The following CPO variants were observed in gnomAD, a reference collection of about 807,000 sequenced individuals.
The protein encoded by CPO is metallocarboxypeptidase C.
A neutral mutation model predicts 41.2 loss-of-function variants in CPO; 43 were observed. The observed-to-expected ratio is 1.04, with a 90% CI of 0.82 to 1.35. The LOEUF (loss-of-function observed/expected upper bound fraction) is 1.35, where lower values mean the gene tolerates loss of function less well. Ranked by LOEUF, CPO falls within the 40% of genes most tolerant of loss-of-function variation. The pLI is 0.00. For missense variants in CPO, 408 were observed against 451.7 expected (o/e 0.90, Z 0.88); for synonymous variants, 178 against 162.7 (o/e 1.09, Z -0.72).
intron 6 of CPO, among the ~76,000 whole-genome samples, chr2:206,961,157 A>G (rs543767753): frequency 6.6e-6 from 1 of 152,332 alleles, no homozygotes; most frequent in East Asian, 1.9e-4. Flanking sequence ...AAGCTGGCTA[A>G]ACAAGAAAAA....
intron 7 of CPO, among the ~76,000 whole-genome samples, chr2:206,963,487 TAAAC>T (rs1693517738): frequency 6.6e-6 from 1 of 152,208 alleles, no homozygotes; most frequent in African/African-American, 2.4e-5. Flanking sequence ...CTATGCCTAT[TAAAC>T]AACTTTCCAT....
chr2:206,953,536 T>C (rs1693304606), intron 2 of CPO, among the ~76,000 whole-genome samples: 1 of 152,268 alleles, frequency 6.6e-6, no homozygotes, highest in Non-Finnish European at 1.5e-5. Flanking sequence ...TCTGTCCCTG[T>C]GCCTTTGCAA....
At chr2:206,962,345 T>G in intron 6 of CPO, 67 bp from the exon 7 acceptor site, 2 of 1,415,842 alleles carry the variant, frequency 1.4e-6, no homozygotes, top group Non-Finnish European at 2.0e-6. Flanking sequence ...TATGGATGAC[T>G]CCTTGCCATT....
intron 7 of CPO, among the ~76,000 whole-genome samples, chr2:206,963,801 A>G (rs964679915): frequency 7.8e-6 from 1 of 128,180 alleles, no homozygotes; most frequent in Non-Finnish European, 1.7e-5. Flanking sequence ...CAATGCTGCT[A>G]TGAATATGGG....
At chr2:206,942,021 G>T (rs186158107) in intron 1 of CPO, among the ~76,000 whole-genome samples, 1 of 151,868 alleles carries the variant, frequency 6.6e-6, no homozygotes, top group Non-Finnish European at 1.5e-5. Context: ...ACACAATAAG[G>T]TATTATCTCT....
intron 2 of CPO, among the ~76,000 whole-genome samples, chr2:206,951,965 T>C (rs1693272975): frequency 6.6e-6 from 1 of 152,266 alleles, no homozygotes. Context: ...TAAGCTGTTA[T>C]TCTTTTCAGT....
intron 1 of CPO, among the ~76,000 whole-genome samples, chr2:206,949,388 G>T (rs573528352): frequency 1.3e-5 from 2 of 152,256 alleles, no homozygotes; most frequent in African/African-American, 2.4e-5. Flanking sequence ...TCCCTGCAAG[G>T]TTGGAATAAT....
chr2:206,956,137 C>T (rs540098114), intron 3 of CPO, among the ~76,000 whole-genome samples: 1 of 151,960 alleles, frequency 6.6e-6, no homozygotes, highest in Non-Finnish European at 1.5e-5. Flanking sequence ...TATTTGGGAC[C>T]GAAAAACCAT....
At chr2:206,941,060 A>G (rs1693021073) in intron 1 of CPO, among the ~76,000 whole-genome samples, 1 of 152,144 alleles carries the variant, frequency 6.6e-6, no homozygotes, top group Non-Finnish European at 1.5e-5. Flanking sequence ...AAAAAAAATT[A>G]TGCTGCTTAA....
intron 1 of CPO, among the ~76,000 whole-genome samples, chr2:206,940,340 G>A (rs1279871599): frequency 2.0e-5 from 3 of 152,024 alleles, no homozygotes; most frequent in Non-Finnish European, 4.4e-5. Flanking sequence ...TGAGGAAAAT[G>A]TAAGGATCTT....
In CPO at chr2:206,941,946, G is replaced by C. The variant is rs1433309837; in HGVS notation, c.68+2279G>C. On this transcript the variant is annotated intron_variant, in intron 1 of 8. Coordinates refer to ENST00000272852, the MANE Select transcript of CPO (RefSeq NM_173077.3). ...TGGCTTGAAAATGTTCATCTTCTTTGATCTACTAATTCTTCTTTCTGGAAC... is the reference window on the plus strand; with the variant it reads ...TGGCTTGAAAATGTTCATCTTCTTTCATCTACTAATTCTTCTTTCTGGAAC... Among the ~76,000 whole-genome samples the C allele has an allele frequency of 2.6e-5, 4 of 151,776 alleles. No homozygotes were observed. The East Asian group carries it at 7.7e-4, about 29-fold the overall frequency.
At chr2:206,952,050 C>T (rs945309468) in intron 2 of CPO, among the ~76,000 whole-genome samples, 7 of 152,098 alleles carry the variant, frequency 4.6e-5, no homozygotes, top group African/African-American at 1.7e-4. Flanking sequence ...CTATACCTAG[C>T]CCATGCTAAA....
chr2:206,944,032 C>T (rs1693095481), intron 1 of CPO, among the ~76,000 whole-genome samples: 1 of 152,066 alleles, frequency 6.6e-6, no homozygotes, highest in East Asian at 1.9e-4. Context: ...GTCTTATTGT[C>T]TTAAGTAGAT....
In CPO at chr2:206,941,758, A is replaced by G. The variant is rs1693033461; in HGVS notation, c.68+2091A>G. On this transcript the variant is annotated intron_variant, in intron 1 of 8. Coordinates refer to ENST00000272852, the MANE Select transcript of CPO (RefSeq NM_173077.3). ...ATTTTTGATAATCTTTATTCACTAC[A>G]TGTGATAATAGTCTAGAAAATTTAA... 3.3e-5 allele frequency among the ~76,000 whole-genome samples: 5 copies of G among 152,284 alleles called. No homozygotes were observed. The South Asian group carries it at 6.2e-4, about 19-fold the overall frequency.
chr2:206,955,099 A>G (rs984254198), intron 2 of CPO, among the ~76,000 whole-genome samples: 3 of 152,224 alleles, frequency 2.0e-5, no homozygotes, highest in Admixed American at 1.3e-4. Context: ...AATCTCACAA[A>G]ATAAGCCTCA....
At chr2:206,946,689 AT>A (rs572180056) in intron 1 of CPO, among the ~76,000 whole-genome samples, 181 of 152,296 alleles carry the variant, frequency 1.2e-3, no homozygotes, top group African/African-American at 4.1e-3. Context: ...TGAAGATGAC[AT>A]GATTATCAAT....
intron 4 of CPO, among the ~76,000 whole-genome samples, chr2:206,958,699 C>G (rs1229059494): frequency 9.5e-6 from 1 of 105,288 alleles, no homozygotes; most frequent in Non-Finnish European, 2.0e-5. Flanking sequence ...GGCTGTGCCT[C>G]TTTCTAATAG....
At chr2:206,942,677 C>A (rs1693051642) in intron 1 of CPO, among the ~76,000 whole-genome samples, 1 of 151,994 alleles carries the variant, frequency 6.6e-6, no homozygotes, top group Admixed American at 6.6e-5. Flanking sequence ...ACACAAAGTA[C>A]AATAATCTTT....
At position 206,953,216 on chromosome 2, in the gene CPO, G is replaced by A. The variant is rs146928970; in HGVS notation, c.166-2247G>A. 8.9e-3 allele frequency among the ~76,000 whole-genome samples: 1,361 copies of A among 152,218 alleles called. 24 individuals are homozygous for A. Among genetic ancestry groups the A allele is most frequent in the African/African-American group, 0.031 (1,302 of 41,522 alleles). ...TCCCCCAAAGTCTTAACTCATTTCA[G>A]CATTAACTCAAAAGTCCACAGTTGA... is the stretch of plus-strand genomic sequence containing the variant. On this transcript the variant is annotated intron_variant, in intron 2 of 8. Transcript: ENST00000272852.
Sources: allele counts gnomAD v4.1 joint callset (sites outside exome capture counted in the v4.1 genomes callset), GRCh38; gene constraint gnomAD v4.1.1; transcripts MANE v1.5; gene names NCBI Gene and HGNC (gene_info 2026-07-23, HGNC 2026-07-21).